The following MYLK variants were observed in gnomAD, a reference collection of about 807,000 sequenced individuals.
MYLK encodes myosin light chain kinase, also known as myosin light chain kinase, smooth muscle.
MYLK carries 106 observed loss-of-function variants against 203.4 expected under a neutral mutation model. The ratio of observed to expected loss-of-function variants is 0.52; its 90% CI spans 0.45 to 0.61. The LOEUF (loss-of-function observed/expected upper bound fraction) is 0.61, where lower values mean the gene tolerates loss of function less well. Ranked by LOEUF, MYLK falls within the 20% of genes least tolerant of loss-of-function variation. The probability of loss-of-function intolerance (pLI) is 0.00; values close to 1 mark genes in which losing one functional copy is unlikely to be tolerated. For synonymous variants in MYLK, 867 were observed against 959.5 expected (o/e 0.90, Z 1.78); for missense variants, 2,072 against 2,442.3 (o/e 0.85, Z 3.20).
Position 123,611,389 on chromosome 3 carries a change from C to T in MYLK, c.*2716G>A, listed in dbSNP as rs2057242876. The T allele has an allele frequency of 1.3e-5, 2 of 152,150 alleles. No individual in the cohort carries two copies. Among genetic ancestry groups the T allele is most frequent in the Admixed American group, 1.3e-4 (2 of 15,284 alleles). The allele number at this position is 152,150 out of a possible 1,614,324, so 9.4% of individuals were successfully genotyped here. On this transcript the variant is annotated 3_prime_UTR_variant, in exon 34 of 34. Coordinates refer to ENST00000360304, the MANE Select transcript of MYLK (RefSeq NM_053025.4). ...AAAGCATTTGGCTGCCAATAATGAA[C>T]TGCACCAAAGTCACCAATTCAAACC...
At chr3:123,651,780 C>A (rs1268915820) in intron 24 of MYLK, among the ~76,000 whole-genome samples, 1 of 152,364 alleles carries the variant, frequency 6.6e-6, no homozygotes, top group African/African-American at 2.4e-5. Context: ...AGCCTCTGGC[C>A]TCACTCATGA....
At chr3:123,637,956 G>C (rs901029982) in intron 29 of MYLK, 115 bp downstream of exon 29, 1 of 1,496,280 alleles carries the variant, frequency 6.7e-7, no homozygotes, top group Non-Finnish European at 9.2e-7. Flanking sequence ...CTCTGGGGGG[G>C]GCTCCCCATC....
intron 18 of MYLK, among the ~76,000 whole-genome samples, chr3:123,695,787 T>C (rs1178465837): frequency 2.0e-5 from 3 of 152,220 alleles, no homozygotes. Flanking sequence ...GAAAAGTGTT[T>C]TGCCAGGAGG....
intron 8 of MYLK, 117 bp downstream of exon 8, chr3:123,737,261 G>A (rs758738967): frequency 7.8e-7 from 1 of 1,280,724 alleles, no homozygotes; most frequent in Middle Eastern, 1.9e-4. Flanking sequence ...GGAGTGCCTG[G>A]GTGTGTGAGT....
chr3:123,784,501 G>A (rs966404248), intron 4 of MYLK, among the ~76,000 whole-genome samples: 1 of 150,564 alleles, frequency 6.6e-6, no homozygotes, highest in Non-Finnish European at 1.5e-5. Flanking sequence ...GTAAGATGGG[G>A]ACATTAGTGT....
chr3:123,737,666 T>C, intron 7 of MYLK, 123 bp from the exon 8 acceptor site: 2 of 1,304,670 alleles, frequency 1.5e-6, no homozygotes, highest in Non-Finnish European at 2.2e-6. Flanking sequence ...TCCTCTGCTG[T>C]GGGCCCTGTC....
At chr3:123,625,309 CT>C in intron 31 of MYLK, 1 of 152,308 alleles carries the variant, frequency 6.6e-6, no homozygotes. Flanking sequence ...GTGTTACATC[CT>C]TTCATGTCTA....
rs1161128791 is a variant in MYLK at position 123,698,396 on chromosome 3, C to T, written c.3448+1624G>A. Among the ~76,000 whole-genome samples the T allele has an allele frequency of 3.3e-5, 5 of 152,294 alleles. No homozygotes were observed. The Middle Eastern group carries it at 0.01, about 311-fold the overall frequency. On this transcript the variant is annotated intron_variant, in intron 18 of 33. Coordinates refer to ENST00000360304, the MANE Select transcript of MYLK (RefSeq NM_053025.4). Reference sequence around the variant, plus strand: ...AACCTTGTCCTGAGGATGGTGGATGCCACCCTGCATCCTGCCTGGAGAGAT... The same window carrying T: ...AACCTTGTCCTGAGGATGGTGGATGTCACCCTGCATCCTGCCTGGAGAGAT...
In MYLK at chr3:123,707,806, C is replaced by G. The variant is rs2061520061; in HGVS notation, c.2338G>C (p.Val780Leu). Residue 780 changes from valine (V) to leucine (L), a missense_variant, in exon 16 of 34, where the codon GTT becomes CTT. Physicochemically the swap from Val to Leu is conservative, Grantham distance 32. This residue lies in a region of MYLK where 865 missense variants were observed against 1,016.0 expected (regional missense o/e 0.85). Transcript: ENST00000360304. ...TGCCAGGGCTGCACCTTCTTTAGAA[C>G]CAGGGTGAACACGTCCTCATTCTGA... ...VLQNEDVFTL[V>L]LKKVQPWHAG... 1 of 1,614,206 alleles carries G rather than the reference C, an allele frequency of 6.2e-7. No homozygotes were observed. The highest frequency in any genetic ancestry group is 1.6e-4 in the Middle Eastern group (1 of 6,062).
chr3:123,851,013 A>G (rs1308414685), intron 2 of MYLK, among the ~76,000 whole-genome samples: 1 of 152,200 alleles, frequency 6.6e-6, no homozygotes, highest in Non-Finnish European at 1.5e-5. Context: ...TACTTTCCCC[A>G]TTTCTGGTTT....
intron 2 of MYLK, among the ~76,000 whole-genome samples, chr3:123,871,509 G>T (rs927067180): frequency 1.4e-4 from 21 of 152,018 alleles, no homozygotes; most frequent in Non-Finnish European, 2.6e-4. Context: ...AATTCCTAAA[G>T]AAATTAAAAG....
At chr3:123,656,260 C>G (rs1376166625) in intron 24 of MYLK, among the ~76,000 whole-genome samples, 5 of 152,182 alleles carry the variant, frequency 3.3e-5, no homozygotes, top group African/African-American at 7.2e-5. Flanking sequence ...CCCAGGATGC[C>G]AAGGCTGCTG....
At chr3:123,630,047 G>A (rs2108010479) in intron 29 of MYLK, among the ~76,000 whole-genome samples, 1 of 151,766 alleles carries the variant, frequency 6.6e-6, no homozygotes, top group Non-Finnish European at 1.5e-5. Context: ...GCACCCTTCT[G>A]TCCCCTCCTT....
intron 3 of MYLK, among the ~76,000 whole-genome samples, chr3:123,803,177 G>A (rs997689027): frequency 1.2e-4 from 18 of 152,124 alleles, no homozygotes; most frequent in Non-Finnish European, 2.4e-4. Flanking sequence ...TGTACAATGC[G>A]GCTACTGCTA....
At chr3:123,756,670 T>C (rs1052238190) in intron 4 of MYLK, among the ~76,000 whole-genome samples, 17 of 152,120 alleles carry the variant, frequency 1.1e-4, no homozygotes, top group African/African-American at 4.1e-4. Flanking sequence ...TAATCCTCCA[T>C]ATGAGAAAAC....
At position 123,649,088 on chromosome 3, in the gene MYLK, G is replaced by A. The variant is rs1209503581; in HGVS notation, c.4322-24C>T. On this transcript the variant is annotated intron_variant, in intron 25 of 33. Coordinates refer to ENST00000360304, the MANE Select transcript of MYLK (RefSeq NM_053025.4). ...ATCTGTGGGGCACAGGTCAGGGTTG[G>A]TGTGAGTCTCAGATGCCCCCACTCA... 6 of 1,614,042 alleles carry A rather than the reference G, an allele frequency of 3.7e-6. No individual in the cohort carries two copies. The Admixed American group carries it at 5.0e-5, about 13-fold the overall frequency.
intron 20 of MYLK, among the ~76,000 whole-genome samples, chr3:123,678,004 AG>A (rs1355280212): frequency 1.3e-5 from 2 of 150,046 alleles, no homozygotes; most frequent in Non-Finnish European, 1.5e-5. Context: ...TTGGCACCAC[AG>A]TTCCACATCT....
intron 2 of MYLK, among the ~76,000 whole-genome samples, chr3:123,836,108 G>A (rs572836070): frequency 1.4e-4 from 21 of 152,190 alleles, no homozygotes; most frequent in African/African-American, 4.8e-4. Flanking sequence ...GTCTTCATTC[G>A]AAGGCTCCCA....
intron 24 of MYLK, among the ~76,000 whole-genome samples, chr3:123,656,511 C>T (rs1205387074): frequency 6.6e-6 from 1 of 152,190 alleles, no homozygotes; most frequent in East Asian, 1.9e-4. Flanking sequence ...ATGCTGTTTC[C>T]TCTTGTAGAG....
Sources: allele counts gnomAD v4.1 joint callset (sites outside exome capture counted in the v4.1 genomes callset), GRCh38; gene constraint gnomAD v4.1.1; regional missense constraint gnomAD v4.1.1; transcripts MANE v1.5; gene names NCBI Gene and HGNC (gene_info 2026-07-23, HGNC 2026-07-21).